The following PLB1 variants were observed in gnomAD, a reference collection of about 807,000 sequenced individuals.
PLB1 encodes phospholipase B1, membrane-associated.
PLB1 carries 242 observed loss-of-function variants against 227.4 expected under a neutral mutation model. The ratio of observed to expected loss-of-function variants is 1.06; its 90% CI spans 0.96 to 1.18. The LOEUF (loss-of-function observed/expected upper bound fraction) is 1.18. Among genes scored for constraint, PLB1 ranks in the 50% most tolerant of loss-of-function variants. The pLI is 0.00. For missense variants in PLB1, 1,858 were observed against 1,816.3 expected (o/e 1.02, Z -0.42); for synonymous variants, 757 against 682.2 (o/e 1.11, Z -1.71).
rs548459049 is a variant in PLB1, at chr2:28,598,783, G to A, written c.2474+23G>A. The stretch of plus-strand genomic sequence containing the variant: ...TGAGTATGGCATTTGGGGAGGGAGG[G>A]AGCCTGCAGAGCAGGGAGTGGAATG... On this transcript the variant is annotated intron_variant, in intron 35 of 57. Coordinates refer to ENST00000327757, the MANE Select transcript of PLB1 (RefSeq NM_153021.5). 22 of 1,579,286 alleles carry A rather than the reference G, an allele frequency of 1.4e-5. No homozygotes were observed. The South Asian group carries it at 2.2e-4, about 16-fold the overall frequency.
chr2:28,611,915 C>T (rs1311709727), intron 43 of PLB1, among the ~76,000 whole-genome samples: 2 of 150,542 alleles, frequency 1.3e-5, no homozygotes, highest in East Asian at 3.9e-4. Flanking sequence ...CTGAGGCGGG[C>T]GGATCACCAG....
intron 44 of PLB1, 140 bp downstream of exon 44, chr2:28,614,236 A>G: frequency 1.2e-6 from 1 of 859,774 alleles, no homozygotes; most frequent in Non-Finnish European, 1.9e-6. Flanking sequence ...TGTACAGAAA[A>G]GGCTCCCGGA....
intron 33 of PLB1, among the ~76,000 whole-genome samples, chr2:28,596,785 G>A (rs562130997): frequency 6.6e-6 from 1 of 152,216 alleles, no homozygotes; most frequent in African/African-American, 2.4e-5. Flanking sequence ...TAAGATTTAC[G>A]GCATCTGCCT....
At chr2:28,639,710 G>A (rs947746148) in intron 56 of PLB1, among the ~76,000 whole-genome samples, 16 of 152,196 alleles carry the variant, frequency 1.1e-4, no homozygotes, top group Admixed American at 8.5e-4. Flanking sequence ...AATCAGCCGC[G>A]CTGACCTTTA....
At chr2:28,592,638 A>C in intron 31 of PLB1, 23 bp from the exon 32 acceptor site, 1 of 1,613,632 alleles carries the variant, frequency 6.2e-7, no homozygotes, top group Non-Finnish European at 8.5e-7. Context: ...TGCAGCCCTA[A>C]GTGTGTCCAC....
At position 28,643,179 on chromosome 2, in the gene PLB1, G is replaced by C; in HGVS notation, c.*118G>C. ...ATGCCTGGTGCCATAGGAAGCCCAGGGGACAGTCACAACTTCTTGGGGCCT... is the reference window on the plus strand; with the variant it reads ...ATGCCTGGTGCCATAGGAAGCCCAGCGGACAGTCACAACTTCTTGGGGCCT... On this transcript the variant is annotated 3_prime_UTR_variant, in exon 58 of 58. Coordinates refer to ENST00000327757, the MANE Select transcript of PLB1 (RefSeq NM_153021.5). 1.0e-6 allele frequency: 1 copy of C among 997,954 alleles called. No individual in the cohort carries two copies. The highest frequency in any genetic ancestry group is 2.7e-5 in the East Asian group (1 of 37,472). The allele number at this position is 997,954 out of a possible 1,614,324, so 61.8% of individuals were successfully genotyped here. A position where few individuals can be genotyped will look rare whatever the true frequency, so the allele number is the denominator to read the frequency against.
At chr2:28,575,712 G>T (rs1431509306) in intron 21 of PLB1, among the ~76,000 whole-genome samples, 1 of 151,858 alleles carries the variant, frequency 6.6e-6, no homozygotes, top group African/African-American at 2.4e-5. Context: ...CTGGGACTAT[G>T]AGTGCATTTT....
chr2:28,628,679 T>G (rs1317898691), intron 52 of PLB1, 51 bp downstream of exon 52: 2 of 1,554,764 alleles, frequency 1.3e-6, no homozygotes, highest in Non-Finnish European at 1.8e-6. Context: ...CTCCCTGGGA[T>G]GCATGTAGGC....
intron 43 of PLB1, among the ~76,000 whole-genome samples, chr2:28,609,673 C>T (rs907415617): frequency 1.3e-5 from 2 of 152,160 alleles, no homozygotes; most frequent in African/African-American, 2.4e-5. Flanking sequence ...AAATAATTTT[C>T]TGAGCAAGGA....
chr2:28,540,010 C>T (rs1322521883), intron 11 of PLB1, among the ~76,000 whole-genome samples: 1 of 142,592 alleles, frequency 7.0e-6, no homozygotes, highest in Non-Finnish European at 1.5e-5. Context: ...TTCCCTCCAT[C>T]CCATACCTAC....
chr2:28,603,956 C>A lies in PLB1; in HGVS notation c.2775-10C>A. 6.2e-7 allele frequency: 1 copy of A among 1,613,866 alleles called. No individual in the cohort carries two copies. The highest frequency in any genetic ancestry group is 1.1e-5 in the South Asian group (1 of 91,078). On this transcript the variant is annotated splice_polypyrimidine_tract_variant and intron_variant, in intron 39 of 57. Transcript: ENST00000327757. Reference sequence around the variant, plus strand: ...GCTCTGGGGCCTCCTGCCTCCCCCTCTTTGTGCAGCGTTTTGTGTAACTGC... The same window carrying A: ...GCTCTGGGGCCTCCTGCCTCCCCCTATTTGTGCAGCGTTTTGTGTAACTGC...
At chr2:28,631,892 T>G in intron 54 of PLB1, 144 bp from the exon 55 acceptor site, 1 of 643,870 alleles carries the variant, frequency 1.6e-6, no homozygotes, top group South Asian at 1.9e-5. Flanking sequence ...AAAGTATGTT[T>G]GCATCCCACT....
At chr2:28,626,559 C>T in intron 51 of PLB1, 51 bp downstream of exon 51, 1 of 1,513,274 alleles carries the variant, frequency 6.6e-7, no homozygotes, top group Non-Finnish European at 9.2e-7. Context: ...GTGCTGACCT[C>T]TGGCAACATC....
chr2:28,602,671 C>T, intron 38 of PLB1, 150 bp from the exon 39 acceptor site: 1 of 684,302 alleles, frequency 1.5e-6, no homozygotes. Context: ...CTGTAAGGCC[C>T]TACGAGGTAG....
intron 1 of PLB1, among the ~76,000 whole-genome samples, chr2:28,504,207 A>T (rs1314384203): frequency 6.6e-6 from 1 of 152,150 alleles, no homozygotes; most frequent in Non-Finnish European, 1.5e-5. Context: ...CCTCTCTACC[A>T]ACTTTACCAT....
At chr2:28,594,061 C>A in intron 33 of PLB1, 1 of 673,882 alleles carries the variant, frequency 1.5e-6, no homozygotes. Flanking sequence ...TGAATCTTCA[C>A]CTCCCCGCTT....
Position 28,642,991 on chromosome 2 carries a change from T to C in PLB1, c.4307T>C (p.Val1436Ala), listed in dbSNP as rs753984789. 1 of 1,611,134 alleles carries C rather than the reference T, an allele frequency of 6.2e-7. No homozygotes were observed. Among genetic ancestry groups the C allele is most frequent in the Non-Finnish European group, 8.5e-7 (1 of 1,178,906 alleles). The change falls in exon 58 of 58, where the codon GTG (valine) becomes GCG (alanine). Residue 1436 changes from valine to alanine, a missense_variant. Physicochemically the swap from Val to Ala is moderately conservative, Grantham distance 64. Transcript: ENST00000327757. Reference sequence around the variant, plus strand: ...CTTGTGGTGGGCATCATCGGGACAGTGGTCTGGAGGTGCAGGAGAGGTGGC... The same window carrying C: ...CTTGTGGTGGGCATCATCGGGACAGCGGTCTGGAGGTGCAGGAGAGGTGGC... ...VGLVVGIIGTVVWRCRRGGRR... is the reference protein window; with the variant it reads ...VGLVVGIIGTAVWRCRRGGRR...
intron 1 of PLB1, among the ~76,000 whole-genome samples, chr2:28,510,769 C>T (rs527309599): frequency 4.1e-5 from 4 of 96,798 alleles, no homozygotes; most frequent in Admixed American, 4.1e-4. Context: ...CACCACCACA[C>T]TCAGATAATT....
At chr2:28,573,953 G>A (rs1351136236) in intron 21 of PLB1, among the ~76,000 whole-genome samples, 1 of 152,156 alleles carries the variant, frequency 6.6e-6, no homozygotes, top group African/African-American at 2.4e-5. Flanking sequence ...GGCCCACCTC[G>A]GGGGAAACAT....
Sources: gnomAD v4.1 joint callset for allele counts (sites outside exome capture counted in the v4.1 genomes callset) on GRCh38, gnomAD v4.1.1 for gene constraint, MANE v1.5 for transcripts, NCBI Gene and HGNC (gene_info 2026-07-23, HGNC 2026-07-21) for gene names.